Variants in AKAP1 observed in about 807,000 individuals in gnomAD.
AKAP1 encodes the protein A-kinase anchor protein 1, mitochondrial.
In AKAP1, 32 loss-of-function variants were observed where a neutral mutation model predicts 79.8. That is an observed-to-expected ratio of 0.40 (90% CI 0.30 to 0.54). The LOEUF (loss-of-function observed/expected upper bound fraction) is 0.54, where lower values mean the gene tolerates loss of function less well. Among genes scored for constraint, AKAP1 ranks in the 20% least tolerant of loss-of-function variants. The pLI is 0.47. For synonymous variants in AKAP1, 416 were observed against 466.7 expected, an observed-to-expected ratio of 0.89 and a Z score of 1.40; for missense variants, 961 against 1,138.9, an observed-to-expected ratio of 0.84 and a Z score of 2.25.
At chr17:57,118,528 C>T in intron 9 of AKAP1, 74 bp downstream of exon 9, 2 of 1,491,980 alleles carry the variant, frequency 1.3e-6, no homozygotes, top group Non-Finnish European at 9.3e-7. Flanking sequence ...GCCTTCTTTC[C>T]TGTGGCTTGG....
In AKAP1 at chr17:57,086,920, A is replaced by G. The variant is rs959596033; in HGVS notation, c.-25+1522A>G. Among the ~76,000 whole-genome samples the G allele has an allele frequency of 8.5e-5, 13 of 152,136 alleles. No individual in the cohort carries two copies. Among genetic ancestry groups the G allele is most frequent in the Admixed American group, 7.2e-4 (11 of 15,274 alleles). On this transcript the variant is annotated intron_variant, in intron 1 of 10. Transcript: ENST00000337714. This position sits in a 1 kb window ranked among gnomAD's most constrained non-coding sequence, Gnocchi z 5.1. ...AGAAGGCTGCCTGACTTGATCATTT[A>G]TATAATTCCTCTGATCTTGGCATTG... is the stretch of plus-strand genomic sequence containing the variant.
chr17:57,102,631 T>G (rs984076097), intron 1 of AKAP1, among the ~76,000 whole-genome samples: 1 of 151,394 alleles, frequency 6.6e-6, no homozygotes, highest in African/African-American at 2.4e-5. Flanking sequence ...CTCCCGGCTC[T>G]CTCTCTTTTT....
rs142593450 is a variant in AKAP1 at position 57,089,628 on chromosome 17, C to T, written c.-25+4230C>T. Among the ~76,000 whole-genome samples the T allele has an allele frequency of 2.6e-3, 391 of 152,186 alleles. 2 individuals are homozygous for T. The highest frequency in any genetic ancestry group is 8.9e-3 in the African/African-American group (369 of 41,508). On this transcript the variant is annotated intron_variant, in intron 1 of 10. Coordinates refer to ENST00000337714, the MANE Select transcript of AKAP1 (RefSeq NM_003488.4). The stretch of plus-strand genomic sequence containing the variant: ...CTAGAAAGTTTTTTTTTCTCCAACT[C>T]TAAAAGCTTAATTGTCTCAACTTGT...
Position 57,106,257 on chromosome 17 carries a change from G to A in AKAP1, c.793G>A (p.Glu265Lys). 1 of 1,614,222 alleles carries A rather than the reference G, an allele frequency of 6.2e-7. No homozygotes were observed. The highest frequency in any genetic ancestry group is 1.3e-5 in the African/African-American group (1 of 75,070). Residue 265 changes from glutamate to lysine, a missense_variant, in exon 2 of 11, where the codon GAG becomes AAG. This residue lies in a region of AKAP1 where 224 missense variants were observed against 210.2 expected (regional missense o/e 1.07). Transcript: ENST00000337714. ...GPVQEEEYVA[E>K]KLPSRFIESA... The stretch of plus-strand genomic sequence containing the variant: ...AGTGCAGGAGGAAGAGTATGTAGCA[G>A]AGAAGTTGCCAAGTAGGTTCATCGA...
Position 57,086,582 on chromosome 17 carries a change from G to T in AKAP1, c.-25+1184G>T, listed in dbSNP as rs944692321. 8.1e-6 allele frequency: 3 copies of T among 371,794 alleles called. No individual in the cohort carries two copies. Among genetic ancestry groups the T allele is most frequent in the Non-Finnish European group, 1.6e-5 (3 of 189,216 alleles). The allele number at this position is 371,794 out of a possible 1,614,324, so 23.0% of individuals were successfully genotyped here. A position where few individuals can be genotyped will look rare whatever the true frequency, so the allele number is the denominator to read the frequency against. ...AAGCTGGGTAGGGTGTATGCGCAGG[G>T]CAATTAGTGAGGTTAACCTGGGTAT... On this transcript the variant is annotated intron_variant, in intron 1 of 10. Coordinates refer to ENST00000337714, the MANE Select transcript of AKAP1 (RefSeq NM_003488.4). This position sits in a 1 kb window ranked among gnomAD's most constrained non-coding sequence, Gnocchi z 5.1.
chr17:57,114,901 T>C (rs1192590965), intron 6 of AKAP1, among the ~76,000 whole-genome samples: 1 of 145,832 alleles, frequency 6.9e-6, no homozygotes, highest in Non-Finnish European at 1.5e-5. Flanking sequence ...TTTAATTTTT[T>C]CTTTTTTTTT....
At chr17:57,110,481 G>A (rs1030518038) in intron 3 of AKAP1, among the ~76,000 whole-genome samples, 7 of 152,114 alleles carry the variant, frequency 4.6e-5, no homozygotes, top group East Asian at 1.9e-4. Flanking sequence ...CACCAAGGCC[G>A]TGGGGGCCAG....
In AKAP1 at chr17:57,087,608, T is replaced by C. The variant is rs535013388; in HGVS notation, c.-25+2210T>C. The stretch of plus-strand genomic sequence containing the variant: ...ATATTTGTGATACTGGGGACTGTGA[T>C]AGGTGCTTAAGCATTGCTCTTCCCC... On this transcript the variant is annotated intron_variant, in intron 1 of 10. Transcript: ENST00000337714. Among the ~76,000 whole-genome samples, 18 of 152,296 alleles carry C rather than the reference T, an allele frequency of 1.2e-4. 1 individual carries two copies. Among genetic ancestry groups the C allele is most frequent in the African/African-American group, 4.1e-4 (17 of 41,554 alleles).
chr17:57,086,179 GC>G lies in AKAP1; in HGVS notation c.-25+784del. On this transcript the variant is annotated intron_variant, in intron 1 of 10. Coordinates refer to ENST00000337714, the MANE Select transcript of AKAP1 (RefSeq NM_003488.4). The surrounding 1 kb of genome is among the most constrained non-coding windows in gnomAD (Gnocchi z 5.1). ...AGCCTGGGGTGTCTGCCGACCTCAC[GC>G]CCGGGGGCCCCGACGGTCACGTGTC... is the stretch of plus-strand genomic sequence containing the variant. 1 of 321,024 alleles carries G rather than the reference GC, an allele frequency of 3.1e-6. No homozygotes were observed. The highest frequency in any genetic ancestry group is 6.1e-6 in the Non-Finnish European group (1 of 163,672). The allele number at this position is 321,024 out of a possible 1,614,324, so 19.9% of individuals were successfully genotyped here.
chr17:57,120,382 C>A lies in AKAP1; in HGVS notation c.*58C>A. On this transcript the variant is annotated 3_prime_UTR_variant, in exon 11 of 11. Transcript: ENST00000337714. ...CACTGTTGAAATTGGGCTTGGCACT[C>A]AAGTCAAAGATGAACATCGGAATAA... is the stretch of plus-strand genomic sequence containing the variant. The A allele has an allele frequency of 6.8e-7, 1 of 1,471,742 alleles. No homozygotes were observed. The highest frequency in any genetic ancestry group is 9.4e-7 in the Non-Finnish European group (1 of 1,063,212). The allele number at this position is 1,471,742 out of a possible 1,614,324, so 91.2% of individuals were successfully genotyped here.
chr17:57,115,076 G>T (rs1437936084), intron 6 of AKAP1, among the ~76,000 whole-genome samples: 1 of 152,124 alleles, frequency 6.6e-6, no homozygotes, highest in Non-Finnish European at 1.5e-5. Context: ...CAACAAGCCT[G>T]TGCAGCGTGT....
chr17:57,116,035 G>T, intron 6 of AKAP1, 76 bp from the exon 7 acceptor site: 1 of 1,545,478 alleles, frequency 6.5e-7, no homozygotes, highest in South Asian at 1.2e-5. Flanking sequence ...ACGCAGGGAG[G>T]TGGGTAGTGG....
rs764705298 is a variant in AKAP1 at position 57,106,837 on chromosome 17, A to G, written c.1373A>G (p.His458Arg). The G allele has an allele frequency of 1.2e-6, 2 of 1,614,002 alleles. No homozygotes were observed. Among genetic ancestry groups the G allele is most frequent in the African/African-American group, 1.3e-5 (1 of 74,894 alleles). The change falls in exon 2 of 11, where the codon CAC becomes CGC. Residue 458 changes from histidine (H) to arginine (R), a missense_variant. Physicochemically the swap from His to Arg is conservative, Grantham distance 29 (BLOSUM62 0). Transcript: ENST00000337714. ...KDSKPNISAHHISLASCLALT... is the reference protein window; with the variant it reads ...KDSKPNISAHRISLASCLALT... ...AGTAAGCCAAATATCTCTGCACACC[A>G]CATCTCCCTGGCCTCCTGCCTGGCA... is the stretch of plus-strand genomic sequence containing the variant.
chr17:57,120,826 C>T lies in AKAP1; in HGVS notation c.*502C>T, dbSNP rs1456538308. Reference sequence around the variant, plus strand: ...CATAAATGAGTTGATGATATTTAACCAGTTTTTATAAACTTCATTTAGGTC... The same window carrying T: ...CATAAATGAGTTGATGATATTTAACTAGTTTTTATAAACTTCATTTAGGTC... On this transcript the variant is annotated 3_prime_UTR_variant, in exon 11 of 11. Transcript: ENST00000337714. 6.5e-6 allele frequency: 1 copy of T among 152,872 alleles called. No individual in the cohort carries two copies. The highest frequency in any genetic ancestry group is 1.5e-5 in the Non-Finnish European group (1 of 68,260). 9.5% of individuals were successfully genotyped at this position (152,872 alleles called of 1,614,324 possible).
At chr17:57,092,613 C>T (rs1463898850) in intron 1 of AKAP1, 2 of 152,162 alleles carry the variant, frequency 1.3e-5, no homozygotes, top group Non-Finnish European at 2.9e-5. Context: ...AAAGCAAGCC[C>T]CTGTTTACCT....
At position 57,107,144 on chromosome 17, in the gene AKAP1, A is replaced by T. The variant is rs760353923; in HGVS notation, c.1680A>T (p.Gly560=). 6.2e-7 allele frequency: 1 copy of T among 1,611,744 alleles called. No homozygotes were observed. The highest frequency in any genetic ancestry group is 1.1e-5 in the South Asian group (1 of 90,996). ...GELSDLGAED[G]WTMDAEADHS... Reference sequence around the variant, plus strand: ...TGTCAGACTTGGGGGCTGAGGATGGATGGACCATGGATGCGGAAGCAGATC... The same window carrying T: ...TGTCAGACTTGGGGGCTGAGGATGGTTGGACCATGGATGCGGAAGCAGATC... Residue 560 remains glycine, a synonymous_variant, in exon 2 of 11, where the codon GGA becomes GGT. Coordinates refer to ENST00000337714, the MANE Select transcript of AKAP1 (RefSeq NM_003488.4).
chr17:57,105,154 T>C (rs1053856952), intron 1 of AKAP1, among the ~76,000 whole-genome samples: 5 of 152,156 alleles, frequency 3.3e-5, no homozygotes, highest in East Asian at 1.9e-4. Flanking sequence ...CATGAAGTGA[T>C]GAAGGGAGGG....
At chr17:57,119,321 G>A (rs567767549) in intron 10 of AKAP1, among the ~76,000 whole-genome samples, 1 of 152,268 alleles carries the variant, frequency 6.6e-6, no homozygotes, top group African/African-American at 2.4e-5. Flanking sequence ...GCGCCAAGGT[G>A]GAGAAACCCT....
chr17:57,105,407 A>T, intron 1 of AKAP1, 34 bp from the exon 2 acceptor site: 1 of 1,602,494 alleles, frequency 6.2e-7, no homozygotes, highest in Non-Finnish European at 8.5e-7. Flanking sequence ...TGGCTCTGTA[A>T]CATCCCTCCT....
Sources: allele counts gnomAD v4.1 joint callset (sites outside exome capture counted in the v4.1 genomes callset), GRCh38; gene constraint gnomAD v4.1.1; regional missense constraint gnomAD v4.1.1; non-coding constraint Gnocchi (gnomAD v3.1); transcripts MANE v1.5; gene names NCBI Gene and HGNC (gene_info 2026-07-23, HGNC 2026-07-21).